The following PYROXD1 variants were observed in gnomAD, a reference collection of about 807,000 sequenced individuals.
PYROXD1 encodes tRNA ligase complex-associated NAD(P)H dehydrogenase PYROXD1.
Under a neutral mutation model 62.0 loss-of-function variants are expected in PYROXD1, and 42 were observed. The observed-to-expected ratio is 0.68, with a 90% confidence interval of 0.53 to 0.88. The LOEUF (loss-of-function observed/expected upper bound fraction) is 0.88. Ranked by LOEUF, PYROXD1 falls within the 40% of genes least tolerant of loss-of-function variation. The pLI, the probability that PYROXD1 is intolerant of heterozygous loss-of-function variation, is 0.00. For synonymous variants in PYROXD1, 170 were observed against 206.4 expected, an observed-to-expected ratio of 0.82 and a Z score of 1.51; for missense variants, 493 against 604.8, an observed-to-expected ratio of 0.82 and a Z score of 1.94.
intron 8 of PYROXD1, among the ~76,000 whole-genome samples, chr12:21,461,412 A>G (rs1042661348): frequency 3.3e-5 from 5 of 152,194 alleles, no homozygotes; most frequent in African/African-American, 1.2e-4. Flanking sequence ...TATATTATAA[A>G]TCAAAATAAG....
intron 1 of PYROXD1, 195 bp downstream of exon 1, chr12:21,438,009 G>A: frequency 1.7e-6 from 1 of 600,056 alleles, no homozygotes; most frequent in South Asian, 2.1e-5. Context: ...TCTCTTAGGC[G>A]CAGGGAGGAG....
At chr12:21,452,505 A>G (rs906417507) in intron 5 of PYROXD1, among the ~76,000 whole-genome samples, 2 of 152,130 alleles carry the variant, frequency 1.3e-5, no homozygotes, top group African/African-American at 4.8e-5. Flanking sequence ...TGAGATTTCT[A>G]GTGATAGCCC....
chr12:21,470,577 A>G lies in PYROXD1; in HGVS notation c.*1823A>G, dbSNP rs71530950. On this transcript the variant is annotated 3_prime_UTR_variant, in exon 12 of 12. Transcript: ENST00000240651. ...AAGACCTCAAATGTCCTTAGACACAATGGCACTTGACTTGACATGCTTTTG... is the reference window on the plus strand; with the variant it reads ...AAGACCTCAAATGTCCTTAGACACAGTGGCACTTGACTTGACATGCTTTTG... 22,969 of 482,762 alleles carry G rather than the reference A, an allele frequency of 0.048. 641 individuals carry two copies. Among genetic ancestry groups the G allele is most frequent in the Middle Eastern group, 0.1 (169 of 1,670 alleles). 29.9% of individuals were successfully genotyped at this position (482,762 alleles called of 1,614,324 possible).
At chr12:21,450,131 G>A (rs1942468510) in intron 4 of PYROXD1, among the ~76,000 whole-genome samples, 1 of 151,508 alleles carries the variant, frequency 6.6e-6, no homozygotes, top group Non-Finnish European at 1.5e-5. Flanking sequence ...GCCTCCCAGA[G>A]TGCTGGGATT....
In PYROXD1 at chr12:21,445,416, A is replaced by C. The variant is rs753453834; in HGVS notation, c.235A>C (p.Asn79His). 5.6e-6 allele frequency: 9 copies of C among 1,609,086 alleles called. No homozygotes were observed. In the East Asian group the frequency reaches 2.0e-4, roughly 36 times the overall value. Residue 79 changes from asparagine (N) to histidine (H), a missense_variant, in exon 3 of 12, where the codon AAC (asparagine) becomes CAC (histidine). Around this residue, in one of 2 missense-constraint regions of PYROXD1, gnomAD observed 164 missense variants for 158.2 expected, o/e 1.04. Coordinates refer to ENST00000240651, the MANE Select transcript of PYROXD1 (RefSeq NM_024854.5). ...TACCATGTTAGGAAAACGCTTTCCCAACATTAAGGTTATAGAATCTGGCGT... is the reference window on the plus strand; with the variant it reads ...TACCATGTTAGGAAAACGCTTTCCCCACATTAAGGTTATAGAATCTGGCGT... ...SSTMLGKRFP[N>H]IKVIESGVKQ...
intron 1 of PYROXD1, chr12:21,438,612 C>T (rs1942238334): frequency 6.6e-6 from 1 of 152,104 alleles, no homozygotes; most frequent in South Asian, 2.1e-4. Flanking sequence ...AAATAATCAG[C>T]GAAGGATTAA....
intron 4 of PYROXD1, among the ~76,000 whole-genome samples, chr12:21,449,923 T>C (rs1245248143): frequency 2.0e-5 from 3 of 151,534 alleles, no homozygotes; most frequent in African/African-American, 7.3e-5. Flanking sequence ...AGTGGCGCAG[T>C]CTCGGCTCAC....
chr12:21,449,819 CCA>C (rs925134361), intron 4 of PYROXD1, 128 bp downstream of exon 4: 13 of 682,912 alleles, frequency 1.9e-5, no homozygotes, highest in Non-Finnish European at 3.1e-5. Flanking sequence ...GACCAGTAAA[CCA>C]CAGAGTGGTT....
At chr12:21,467,460 A>G in intron 10 of PYROXD1, 21 bp from the exon 11 acceptor site, 1 of 1,580,536 alleles carries the variant, frequency 6.3e-7, no homozygotes, top group Non-Finnish European at 8.6e-7. Context: ...GACATTGTGT[A>G]ACATTTTTTC....
chr12:21,453,480 C>A (rs577852975), intron 5 of PYROXD1, among the ~76,000 whole-genome samples: 1 of 148,864 alleles, frequency 6.7e-6, no homozygotes, highest in Middle Eastern at 3.4e-3. Flanking sequence ...CTTCATTATA[C>A]ATTTATTTCA....
chr12:21,453,193 G>A (rs7980058), intron 5 of PYROXD1, among the ~76,000 whole-genome samples: 74,941 of 151,640 alleles, frequency 0.49, 18,532 homozygotes, highest in Middle Eastern at 0.59. Context: ...TATTATAATT[G>A]TTATTTACAT....
chr12:21,454,993 C>T (rs140396444), intron 5 of PYROXD1, 139 bp from the exon 6 acceptor site: 2 of 429,724 alleles, frequency 4.7e-6, no homozygotes, highest in East Asian at 3.6e-5. Flanking sequence ...GTTAATATTC[C>T]TCTTTATAAT....
Position 21,465,525 on chromosome 12 carries a change from T to C in PYROXD1, c.1117-1956T>C, listed in dbSNP as rs534900839. ...GACTTTTTGATGGGGTTGTTTTTTT[T>C]TTGTAAATTTGTTTGAGTTCATTGT... is the stretch of plus-strand genomic sequence containing the variant. On this transcript the variant is annotated intron_variant, in intron 10 of 11. Coordinates refer to ENST00000240651, the MANE Select transcript of PYROXD1 (RefSeq NM_024854.5). Among the ~76,000 whole-genome samples, 70 of 151,926 alleles carry C rather than the reference T, an allele frequency of 4.6e-4. 1 individual carries two copies. In the South Asian group the frequency reaches 0.012, roughly 27 times the overall value.
At position 21,437,788 on chromosome 12, in the gene PYROXD1, A is replaced by G. The variant is rs763195135; in HGVS notation, c.58A>G (p.Ile20Val). Residue 20 changes from isoleucine to valine, a missense_variant, in exon 1 of 12, where the codon ATC becomes GTC. By Grantham distance (29) the Ile-to-Val change is conservative. Around this residue, in one of 2 missense-constraint regions of PYROXD1, gnomAD observed 164 missense variants for 158.2 expected, o/e 1.04. Transcript: ENST00000240651. ...GAAGTTCGTGGTGGTCGGCGGCGGC[A>G]TCGCGGGCGTCACTTGTGCGGAGCA... is the stretch of plus-strand genomic sequence containing the variant. ...AGKFVVVGGG[I>V]AGVTCAEQLA... is the part of the protein sequence containing the mutation. The G allele has an allele frequency of 6.2e-7, 1 of 1,612,848 alleles. No homozygotes were observed. The highest frequency in any genetic ancestry group is 8.5e-7 in the Non-Finnish European group (1 of 1,179,674).
At chr12:21,438,965 T>C (rs1239227661) in intron 1 of PYROXD1, among the ~76,000 whole-genome samples, 2 of 152,186 alleles carry the variant, frequency 1.3e-5, no homozygotes, top group Non-Finnish European at 2.9e-5. Flanking sequence ...TCAACGGTTA[T>C]CTTAGAGGTG....
chr12:21,449,664 A>T lies in PYROXD1; in HGVS notation c.387A>T (p.Leu129Phe), dbSNP rs145579021. Residue 129 changes from leucine to phenylalanine, a missense_variant, in exon 4 of 12, where the codon TTA becomes TTT. Leu to Phe is a conservative substitution (Grantham distance 22). This residue lies in a region of PYROXD1 where 329 missense variants were observed against 446.6 expected (regional missense o/e 0.74). Transcript: ENST00000240651. ...TATGTGAAGGAAATCCTTATGTATT[A>T]GGAATCCGTGATACAGACAGTGCTC... ...KLICEGNPYVLGIRDTDSAQE... is the reference protein window; with the variant it reads ...KLICEGNPYVFGIRDTDSAQE... The T allele has an allele frequency of 3.7e-5, 59 of 1,613,212 alleles. No individual in the cohort carries two copies. The highest frequency in any genetic ancestry group is 5.0e-5 in the Non-Finnish European group (59 of 1,179,482).
intron 10 of PYROXD1, among the ~76,000 whole-genome samples, chr12:21,464,246 G>A (rs938537499): frequency 6.6e-6 from 1 of 151,556 alleles, no homozygotes; most frequent in African/African-American, 2.4e-5. Context: ...CTTGTTTTGA[G>A]TGCACCTTAT....
intron 7 of PYROXD1, among the ~76,000 whole-genome samples, chr12:21,456,324 G>T (rs1193520426): frequency 6.6e-6 from 1 of 152,108 alleles, no homozygotes; most frequent in East Asian, 1.9e-4. Flanking sequence ...AACTCTTGAG[G>T]TGTGATACTG....
intron 2 of PYROXD1, among the ~76,000 whole-genome samples, chr12:21,444,431 A>T (rs1942349557): frequency 1.3e-5 from 2 of 152,154 alleles, no homozygotes; most frequent in African/African-American, 2.4e-5. Context: ...AGATATGAAG[A>T]GTGATAGAGA....
Sources: gnomAD v4.1 joint callset for allele counts (sites outside exome capture counted in the v4.1 genomes callset) on GRCh38, gnomAD v4.1.1 for gene constraint, gnomAD v4.1.1 regional missense constraint, MANE v1.5 for transcripts, NCBI Gene and HGNC (gene_info 2026-07-23, HGNC 2026-07-21) for gene names.